Variants in PLCH1 observed in about 807,000 individuals in gnomAD.
The protein encoded by PLCH1 is phospholipase C eta 1, also known as 1-phosphatidylinositol 4,5-bisphosphate phosphodiesterase eta-1.
A neutral mutation model predicts 126.7 loss-of-function variants in PLCH1; 60 were observed. That is an observed-to-expected ratio of 0.47 (90% CI 0.38 to 0.59). The LOEUF (loss-of-function observed/expected upper bound fraction) is 0.59, where lower values mean the gene tolerates loss of function less well. Among genes scored for constraint, PLCH1 ranks in the 20% least tolerant of loss-of-function variants. PLCH1 has a pLI of 0.00. For synonymous variants in PLCH1, 719 were observed against 734.9 expected, an observed-to-expected ratio of 0.98 and a Z score of 0.35; for missense variants, 1,723 against 2,040.0, an observed-to-expected ratio of 0.84 and a Z score of 2.99.
chr3:155,503,722 G>A (rs945526948), intron 13 of PLCH1, among the ~76,000 whole-genome samples: 1 of 152,114 alleles, frequency 6.6e-6, no homozygotes, highest in African/African-American at 2.4e-5. Flanking sequence ...ATTTTTAGTA[G>A]AGACAGTGTT....
At chr3:155,452,174 T>C (rs533315402) in intron 21 of PLCH1, among the ~76,000 whole-genome samples, 2 of 152,204 alleles carry the variant, frequency 1.3e-5, no homozygotes, top group East Asian at 3.9e-4. Context: ...AGAATCATGA[T>C]AGGAGGAGAA....
At chr3:155,469,694 G>C (rs1170415409) in intron 21 of PLCH1, among the ~76,000 whole-genome samples, 3 of 151,104 alleles carry the variant, frequency 2.0e-5, no homozygotes, top group Admixed American at 6.6e-5. Flanking sequence ...GCTTTGAAGA[G>C]AGCAGTGGTT....
rs561150434 is a variant in PLCH1, at chr3:155,499,497, C to G, written c.1796+1206G>C. On this transcript the variant is annotated intron_variant, in intron 14 of 22. Transcript: ENST00000460012. ...ATGGAGAAATTCTACAGAAAATTAA[C>G]TCTTTTTATTCCTCATCCTAGAGGT... is the stretch of plus-strand genomic sequence containing the variant. Among the ~76,000 whole-genome samples the G allele has an allele frequency of 2.6e-5, 4 of 152,308 alleles. No individual in the cohort carries two copies. The East Asian group carries it at 7.7e-4, about 29-fold the overall frequency.
chr3:155,631,524 T>C (rs952272634), intron 2 of PLCH1, among the ~76,000 whole-genome samples: 1 of 152,220 alleles, frequency 6.6e-6, no homozygotes, highest in Non-Finnish European at 1.5e-5. Context: ...ACTGTTATCC[T>C]GTAAGGCTGC....
At chr3:155,598,834 A>G (rs867323655) in intron 2 of PLCH1, among the ~76,000 whole-genome samples, 4 of 152,322 alleles carry the variant, frequency 2.6e-5, no homozygotes, top group Middle Eastern at 3.4e-3. Context: ...CGAAACACCA[A>G]AAATGGTAGC....
chr3:155,741,746 C>A (rs1749662612), intron 1 of PLCH1, among the ~76,000 whole-genome samples: 1 of 128,802 alleles, frequency 7.8e-6, no homozygotes. Context: ...GCATGCAGAC[C>A]AACATTCTTA....
chr3:155,486,398 G>A (rs1035681143), intron 21 of PLCH1, among the ~76,000 whole-genome samples: 14 of 151,242 alleles, frequency 9.3e-5, no homozygotes, highest in Non-Finnish European at 1.9e-4. Flanking sequence ...ATCCCAACCC[G>A]AACACATCTT....
intron 11 of PLCH1, among the ~76,000 whole-genome samples, chr3:155,521,201 A>C (rs73011588): frequency 0.081 from 12,385 of 152,102 alleles, 1,131 homozygotes; most frequent in African/African-American, 0.23. Flanking sequence ...ACACACACAC[A>C]CTTTTTTCCT....
chr3:155,487,050 A>G (rs148917468), intron 21 of PLCH1: 36 of 152,296 alleles, frequency 2.4e-4, no homozygotes, highest in African/African-American at 7.5e-4. Context: ...AGTCTTAGAA[A>G]TTAGGATCCT....
Position 155,482,451 on chromosome 3 carries a change from A to T in PLCH1, c.3575T>A (p.Ile1192Asn). The change falls in exon 23 of 23, where the codon ATT becomes AAT. Residue 1192 changes from isoleucine (I) to asparagine (N), a missense_variant. This residue lies in a region of PLCH1 where 947 missense variants were observed against 977.1 expected (regional missense o/e 0.97). Coordinates refer to ENST00000460012, the MANE Select transcript of PLCH1 (RefSeq NM_014996.4). Reference sequence around the variant, plus strand: ...ATTGTTGGTCTCATCAAACTGGCCAATCAGGGCTGAGATGGAACTGCCCGG... The same window carrying T: ...ATTGTTGGTCTCATCAAACTGGCCATTCAGGGCTGAGATGGAACTGCCCGG... The part of the protein sequence containing the change: ...NEPGSSISAL[I>N]GQFDETNNQA... The T allele has an allele frequency of 6.2e-7, 1 of 1,614,196 alleles. No individual in the cohort carries two copies. Among genetic ancestry groups the T allele is most frequent in the Non-Finnish European group, 8.5e-7 (1 of 1,180,032 alleles).
chr3:155,737,250 G>C (rs1008039539), intron 1 of PLCH1, among the ~76,000 whole-genome samples: 1 of 59,614 alleles, frequency 1.7e-5, no homozygotes, highest in Admixed American at 1.6e-4. Context: ...AAAAAAAAAA[G>C]AGTATATGGT....
chr3:155,556,850 A>G (rs1005308173), intron 8 of PLCH1, among the ~76,000 whole-genome samples: 1 of 152,224 alleles, frequency 6.6e-6, no homozygotes, highest in Non-Finnish European at 1.5e-5. Flanking sequence ...TTCCTTAAAA[A>G]TCAGACAACG....
At position 155,586,149 on chromosome 3, in the gene PLCH1, G is replaced by A. The variant is rs1397038646; in HGVS notation, c.516C>T (p.Gly172=). The A allele has an allele frequency of 3.1e-6, 5 of 1,613,732 alleles. No individual in the cohort carries two copies. The highest frequency in any genetic ancestry group is 4.2e-6 in the Non-Finnish European group (5 of 1,179,780). The change falls in exon 5 of 23, where the codon GGC becomes GGT. Residue 172 remains glycine, a synonymous_variant. Coordinates refer to ENST00000460012, the MANE Select transcript of PLCH1 (RefSeq NM_014996.4). ...GATGTATCTCTTCAATATTCAGCAAGCCGTCACCATTCTTATCAGCTTCCT... is the reference window on the plus strand; with the variant it reads ...GATGTATCTCTTCAATATTCAGCAAACCGTCACCATTCTTATCAGCTTCCT... ...TFEEADKNGD[G]LLNIEEIHQL...
chr3:155,676,101 C>A, intron 2 of PLCH1: 2 of 1,432,474 alleles, frequency 1.4e-6, no homozygotes, highest in Non-Finnish European at 1.8e-6. Flanking sequence ...AAAGGCAAAG[C>A]CTTTTCCTGA....
chr3:155,527,825 C>A (rs4679749), intron 10 of PLCH1, among the ~76,000 whole-genome samples: 173 of 150,588 alleles, frequency 1.1e-3, no homozygotes, highest in African/African-American at 4.1e-3. Context: ...GAGGCTGAGG[C>A]AGGAGAATCG....
At chr3:155,456,158 C>T (rs532175596) in intron 21 of PLCH1, among the ~76,000 whole-genome samples, 22 of 152,230 alleles carry the variant, frequency 1.4e-4, no homozygotes, top group Admixed American at 6.5e-4. Flanking sequence ...AAAATACTTT[C>T]GTCTCTTTCT....
At position 155,514,884 on chromosome 3, in the gene PLCH1, T is replaced by A; in HGVS notation, c.1471A>T (p.Ser491Cys). Reference protein sequence around the residue: ...EDECKFKLHYSNGTTEHQVES... With the variant: ...EDECKFKLHYCNGTTEHQVES... The stretch of plus-strand genomic sequence containing the variant: ...ACCTGATGCTCAGTGGTCCCATTAC[T>A]CTGCAAAGAATTAAGTAACACAAAT... The change falls in exon 12 of 23, where the codon AGT (serine) becomes TGT (cysteine). Residue 491 changes from serine to cysteine, a missense_variant and splice_region_variant. Ser to Cys is a moderately radical substitution (Grantham distance 112). Transcript: ENST00000460012. 1 of 1,591,660 alleles carries A rather than the reference T, an allele frequency of 6.3e-7. No individual in the cohort carries two copies. Among genetic ancestry groups the A allele is most frequent in the South Asian group, 1.1e-5 (1 of 88,596 alleles).
chr3:155,460,676 G>A (rs1576760782), intron 21 of PLCH1, among the ~76,000 whole-genome samples: 3 of 152,230 alleles, frequency 2.0e-5, no homozygotes, highest in Admixed American at 1.3e-4. Flanking sequence ...AAGGATTCAT[G>A]GATGGCAATT....
chr3:155,524,152 G>A (rs1721587373), intron 10 of PLCH1, 148 bp from the exon 11 acceptor site: 3 of 657,372 alleles, frequency 4.6e-6, no homozygotes, highest in Middle Eastern at 5.1e-4. Context: ...TAAGAAGAAG[G>A]AAATTCTGAT....
Sources: gnomAD v4.1 joint callset for allele counts (sites outside exome capture counted in the v4.1 genomes callset) on GRCh38, gnomAD v4.1.1 for gene constraint, gnomAD v4.1.1 regional missense constraint, MANE v1.5 for transcripts, NCBI Gene and HGNC (gene_info 2026-07-23, HGNC 2026-07-21) for gene names.